Variants in GRM5 observed in about 807,000 individuals in gnomAD.
GRM5 encodes metabotropic glutamate receptor 5.
GRM5 carries 19 observed loss-of-function variants against 83.1 expected under a neutral mutation model. The ratio of observed to expected loss-of-function variants is 0.23; its 90% confidence interval spans 0.16 to 0.34. GRM5 has a LOEUF of 0.34. GRM5 is among the 10% of genes least tolerant of loss of function. The pLI, the probability that GRM5 is intolerant of heterozygous loss-of-function variation, is 1.00. For missense variants in GRM5, 1,160 were observed against 1,588.3 expected (o/e 0.73, Z 4.58); for synonymous variants, 675 against 633.6 (o/e 1.07, Z -0.98).
intron 1 of GRM5, among the ~76,000 whole-genome samples, chr11:89,060,745 T>C (rs560396082): frequency 2.6e-5 from 4 of 152,270 alleles, no homozygotes; most frequent in South Asian, 2.1e-4. Context: ...TATGCCTTAA[T>C]GTTTTTTAGA....
intron 7 of GRM5, among the ~76,000 whole-genome samples, chr11:88,575,176 C>T (rs908308414): frequency 3.9e-5 from 6 of 151,974 alleles, no homozygotes; most frequent in Non-Finnish European, 8.8e-5. Context: ...GTAACTGCCT[C>T]AACAGGAAGC....
chr11:88,635,907 T>C (rs548973590), intron 4 of GRM5, among the ~76,000 whole-genome samples: 1 of 152,344 alleles, frequency 6.6e-6, no homozygotes, highest in East Asian at 1.9e-4. Flanking sequence ...CATGTGGATA[T>C]CCAGTAAATG....
At chr11:88,917,129 G>A (rs1945609093) in intron 2 of GRM5, among the ~76,000 whole-genome samples, 1 of 152,206 alleles carries the variant, frequency 6.6e-6, no homozygotes, top group African/African-American at 2.4e-5. Context: ...ACTTCAGGCA[G>A]CTCAGTACGA....
intron 3 of GRM5, among the ~76,000 whole-genome samples, chr11:88,666,334 G>T (rs1940042921): frequency 6.6e-6 from 1 of 152,188 alleles, no homozygotes; most frequent in South Asian, 2.1e-4. Flanking sequence ...GAGGGCTTTT[G>T]TGCTGTATCA....
chr11:88,513,124 C>A (rs1026524765), intron 9 of GRM5, among the ~76,000 whole-genome samples: 1 of 152,072 alleles, frequency 6.6e-6, no homozygotes, highest in African/African-American at 2.4e-5. Flanking sequence ...CCTTAATTGT[C>A]TTGTCTTAAA....
In GRM5 at chr11:88,604,793, G is replaced by C. The variant is rs1303266140; in HGVS notation, c.1319C>G (p.Ser440Cys). 6.2e-7 allele frequency: 1 copy of C among 1,612,934 alleles called. No individual in the cohort carries two copies. Among genetic ancestry groups the C allele is most frequent in the South Asian group, 1.1e-5 (1 of 91,054 alleles). The change falls in exon 5 of 10, where the codon TCC (serine) becomes TGC (cysteine). Residue 440 changes from serine to cysteine, a missense_variant. Around this residue, in one of 9 missense-constraint regions of GRM5, gnomAD observed 132 missense variants for 197.6 expected, o/e 0.67. Coordinates refer to ENST00000305447, the MANE Select transcript of GRM5 (RefSeq NM_001143831.3). ...CCCAGTAAAATTGGTTTTCATCAGG[G>C]ACTCCAAAAGTTTCCGTCCATCAAT... ...KPIDGRKLLE[S>C]LMKTNFTGVS...
chr11:89,005,177 T>G (rs2135077387), intron 2 of GRM5, among the ~76,000 whole-genome samples: 1 of 152,342 alleles, frequency 6.6e-6, no homozygotes, highest in African/African-American at 2.4e-5. Flanking sequence ...GTTTTTAAAA[T>G]ATTTTACTAA....
chr11:88,977,545 G>A (rs186935318), intron 2 of GRM5, among the ~76,000 whole-genome samples: 14 of 152,240 alleles, frequency 9.2e-5, no homozygotes, highest in African/African-American at 1.2e-4. Flanking sequence ...AGTTCCATTC[G>A]GAACGCAGAA....
intron 3 of GRM5, among the ~76,000 whole-genome samples, chr11:88,817,119 A>G (rs1273249737): frequency 2.0e-5 from 3 of 152,160 alleles, no homozygotes; most frequent in Non-Finnish European, 4.4e-5. Flanking sequence ...AAGAACCAAA[A>G]TATCACTCCA....
intron 2 of GRM5, among the ~76,000 whole-genome samples, chr11:88,885,633 T>TAAAAC (rs1945032539): frequency 6.6e-6 from 1 of 151,742 alleles, no homozygotes; most frequent in Non-Finnish European, 1.5e-5. Flanking sequence ...AACCTGCCTT[T>TAAAAC]AAAACAAACC....
At chr11:89,043,352 C>G (rs1941574815) in intron 2 of GRM5, among the ~76,000 whole-genome samples, 1 of 151,884 alleles carries the variant, frequency 6.6e-6, no homozygotes. Context: ...AAACACAATA[C>G]AATAATTACT....
chr11:88,678,391 G>T (rs934295380), intron 3 of GRM5, among the ~76,000 whole-genome samples: 1 of 152,022 alleles, frequency 6.6e-6, no homozygotes, highest in African/African-American at 2.4e-5. Context: ...AGTCCATCTT[G>T]AACTTCACCT....
intron 2 of GRM5, among the ~76,000 whole-genome samples, chr11:89,025,562 A>T (rs1941111542): frequency 6.6e-6 from 1 of 152,226 alleles, no homozygotes; most frequent in Non-Finnish European, 1.5e-5. Flanking sequence ...TTCATGATAT[A>T]TCATTATTGT....
At chr11:88,685,666 T>C (rs1940604216) in intron 3 of GRM5, among the ~76,000 whole-genome samples, 1 of 150,942 alleles carries the variant, frequency 6.6e-6, no homozygotes, top group Non-Finnish European at 1.5e-5. Context: ...GTGTGCAGGC[T>C]AACGACTTGG....
At chr11:88,816,725 A>C (rs1283435101) in intron 3 of GRM5, among the ~76,000 whole-genome samples, 1 of 145,876 alleles carries the variant, frequency 6.9e-6, no homozygotes, top group Non-Finnish European at 1.5e-5. Flanking sequence ...TAAAACTGAT[A>C]AATCTCTATC....
chr11:88,581,131 A>T (rs967807358), intron 7 of GRM5, among the ~76,000 whole-genome samples: 5 of 152,224 alleles, frequency 3.3e-5, no homozygotes, highest in Admixed American at 6.5e-5. Flanking sequence ...AATAAATTTA[A>T]ATAAATAAAT....
chr11:88,534,888 TA>T (rs1942099390), intron 8 of GRM5, among the ~76,000 whole-genome samples: 1 of 152,186 alleles, frequency 6.6e-6, no homozygotes, highest in African/African-American at 2.4e-5. Flanking sequence ...TGGTAGTGAG[TA>T]AGTCTCACAA....
At chr11:88,616,285 T>C (rs572811126) in intron 4 of GRM5, among the ~76,000 whole-genome samples, 24 of 151,888 alleles carry the variant, frequency 1.6e-4, no homozygotes, top group African/African-American at 5.3e-4. Context: ...ATATGCCTAA[T>C]ATGTTCTTTG....
At chr11:89,046,373 ATT>A (rs562563345) in intron 2 of GRM5, among the ~76,000 whole-genome samples, 3 of 148,102 alleles carry the variant, frequency 2.0e-5, no homozygotes, top group African/African-American at 7.4e-5. Context: ...TAATATACAC[ATT>A]TTTTTTTTTC....
Sources: allele counts gnomAD v4.1 joint callset (sites outside exome capture counted in the v4.1 genomes callset), GRCh38; gene constraint gnomAD v4.1.1; regional missense constraint gnomAD v4.1.1; transcripts MANE v1.5; gene names NCBI Gene and HGNC (gene_info 2026-07-23, HGNC 2026-07-21).